CFI: variants seen among roughly 807,000 people sequenced by gnomAD.
CFI encodes C3B/C4B inactivator.
CFI carries 66 observed loss-of-function variants against 78.8 expected under a neutral mutation model. The ratio of observed to expected loss-of-function variants is 0.84; its 90% CI spans 0.69 to 1.03. CFI has a LOEUF of 1.03. Among genes scored for constraint, CFI ranks in the 50% least tolerant of loss-of-function variants. CFI has a pLI of 0.00. For synonymous variants in CFI, 250 were observed against 232.6 expected (o/e 1.07, Z -0.68); for missense variants, 706 against 704.5 (o/e 1.00, Z -0.02).
At chr4:109,735,599 G>A in the CFI span, among the ~76,000 whole-genome samples, 4 of 152,322 alleles carry the variant, frequency 2.6e-5, no homozygotes, top group South Asian at 6.2e-4. Flanking sequence ...GCCACGTGGT[G>A]AAAACAGTTC....
chr4:109,771,714 CAAAAAAAAAA>C (rs149565381), intron 1 of CFI, among the ~76,000 whole-genome samples: 11 of 18,126 alleles, frequency 6.1e-4, no homozygotes, highest in East Asian at 3.7e-3. Context: ...ACTCCATCAC[CAAAAAAAAAA>C]AAAAAAAAAA....
intron 11 of CFI, among the ~76,000 whole-genome samples, chr4:109,743,425 G>A (rs1054834180): frequency 2.0e-5 from 3 of 152,170 alleles, no homozygotes; most frequent in Admixed American, 6.5e-5. Flanking sequence ...CTGAGGCAGC[G>A]AAAGGGCAGA....
At chr4:109,795,775 A>T (rs1366405304) in intron 1 of CFI, among the ~76,000 whole-genome samples, 1 of 152,218 alleles carries the variant, frequency 6.6e-6, no homozygotes, top group Non-Finnish European at 1.5e-5. Flanking sequence ...AGAGAGAATC[A>T]GTGAACTCAA....
intron 1 of CFI, among the ~76,000 whole-genome samples, chr4:109,768,645 C>T (rs186360711): frequency 1.9e-3 from 285 of 152,260 alleles, no homozygotes; most frequent in Middle Eastern, 6.8e-3. Flanking sequence ...ATGCTGTCTC[C>T]CTGTCCCCCA....
chr4:109,751,497 A>G (rs1389226298), intron 8 of CFI, among the ~76,000 whole-genome samples: 2 of 130,178 alleles, frequency 1.5e-5, no homozygotes, highest in African/African-American at 5.8e-5. Flanking sequence ...GCTGGAGGGC[A>G]GTGGCACAAT....
intron 1 of CFI, among the ~76,000 whole-genome samples, chr4:109,769,553 G>A (rs1728290371): frequency 6.6e-6 from 1 of 152,184 alleles, no homozygotes; most frequent in Non-Finnish European, 1.5e-5. Flanking sequence ...CCTTGGCAAG[G>A]TGGGGGTTAG....
chr4:109,747,165 A>T (rs1426726974), intron 10 of CFI, among the ~76,000 whole-genome samples: 1 of 152,102 alleles, frequency 6.6e-6, no homozygotes, highest in African/African-American at 2.4e-5. Context: ...CTACATTTTC[A>T]TATCAAGTTT....
intron 1 of CFI, among the ~76,000 whole-genome samples, chr4:109,778,023 G>T (rs537044449): frequency 6.6e-6 from 1 of 152,196 alleles, no homozygotes; most frequent in African/African-American, 2.4e-5. Context: ...GCCCACAAGA[G>T]AAAGCAGGAA....
chr4:109,797,156 C>A (rs9654197), intron 1 of CFI, among the ~76,000 whole-genome samples: 64,072 of 151,974 alleles, frequency 0.42, 14,510 homozygotes, highest in African/African-American at 0.56. Context: ...CAGAGGCATC[C>A]CACTTCCTGA....
chr4:109,747,106 T>A (rs2126187698), intron 10 of CFI, among the ~76,000 whole-genome samples: 1 of 152,366 alleles, frequency 6.6e-6, no homozygotes, highest in South Asian at 2.1e-4. Flanking sequence ...TGTTTTAAAA[T>A]CCTGTTGAAA....
Position 109,760,599 on chromosome 4 carries a change from C to T in CFI, c.696G>A (p.Gly232=), listed in dbSNP as rs144145014. The T allele has an allele frequency of 6.0e-5, 97 of 1,609,292 alleles. No individual in the cohort carries two copies. Among genetic ancestry groups the T allele is most frequent in the East Asian group, 2.0e-4 (9 of 44,830 alleles). The change falls in exon 5 of 13, where the codon GGG becomes GGA. Residue 232 remains glycine, a synonymous_variant. Transcript: ENST00000394634. ...AGGCTTTCATCTGAGAAATGTATTT[C>T]CCATTCACACACTGAAAGAAGTCAT... ...PMDDFFQCVN[G]KYISQMKACD...
At chr4:109,770,535 G>C (rs188073662) in intron 1 of CFI, among the ~76,000 whole-genome samples, 146 of 134,646 alleles carry the variant, frequency 1.1e-3, no homozygotes, top group South Asian at 2.6e-3. Flanking sequence ...CAACCTGGAT[G>C]ACAGAGCGAG....
At chr4:109,775,323 C>T (rs1729083770) in intron 1 of CFI, among the ~76,000 whole-genome samples, 1 of 152,148 alleles carries the variant, frequency 6.6e-6, no homozygotes, top group Non-Finnish European at 1.5e-5. Context: ...TTCCAATGGC[C>T]TAAGCAAACG....
At chr4:109,783,114 T>A (rs984197918) in intron 1 of CFI, among the ~76,000 whole-genome samples, 1 of 152,064 alleles carries the variant, frequency 6.6e-6, no homozygotes, top group Non-Finnish European at 1.5e-5. Flanking sequence ...AGACATAGGC[T>A]TAGGCAAGGA....
intron 1 of CFI, among the ~76,000 whole-genome samples, chr4:109,768,594 C>T (rs1728133977): frequency 6.6e-6 from 1 of 152,138 alleles, no homozygotes; most frequent in Non-Finnish European, 1.5e-5. Flanking sequence ...GGGCTGGGAA[C>T]AGGCCAATTG....
intron 11 of CFI, among the ~76,000 whole-genome samples, chr4:109,744,405 T>G (rs1724167945): frequency 6.6e-6 from 1 of 152,186 alleles, no homozygotes; most frequent in African/African-American, 2.4e-5. Context: ...TTCTCCACCC[T>G]TCAATGCCGT....
intron 1 of CFI, among the ~76,000 whole-genome samples, chr4:109,786,658 C>A (rs963799834): frequency 2.6e-5 from 4 of 152,048 alleles, no homozygotes; most frequent in African/African-American, 9.7e-5. Context: ...GGAATGTTCC[C>A]CTTCTATTGC....
downstream of CFI, among the ~76,000 whole-genome samples, chr4:109,736,749 T>C (rs1009282218): frequency 2.0e-5 from 3 of 152,174 alleles, no homozygotes; most frequent in Non-Finnish European, 2.9e-5. Context: ...CCGTATGTAG[T>C]TCTTCTAATT....
chr4:109,746,547 A>G, intron 10 of CFI, 45 bp from the exon 11 acceptor site: 3 of 1,426,154 alleles, frequency 2.1e-6, no homozygotes, highest in Non-Finnish European at 2.8e-6. Context: ...GAGAAAAAAT[A>G]TAAATAGGAA....
Sources: gnomAD v4.1 joint callset for allele counts (sites outside exome capture counted in the v4.1 genomes callset) on GRCh38, gnomAD v4.1.1 for gene constraint, MANE v1.5 for transcripts, NCBI Gene and HGNC (gene_info 2026-07-23, HGNC 2026-07-21) for gene names.